GPC4: variants seen among roughly 807,000 people sequenced by gnomAD.
GPC4 encodes the protein glypican 4.
A neutral mutation model predicts 35.0 loss-of-function variants in GPC4; 10 were observed. The observed-to-expected ratio is 0.29, with a 90% CI of 0.18 to 0.48. The LOEUF (loss-of-function observed/expected upper bound fraction) is 0.48. Ranked by LOEUF, GPC4 falls within the 20% of genes least tolerant of loss-of-function variation. The pLI, the probability that GPC4 is intolerant of heterozygous loss-of-function variation, is 0.99. For missense variants in GPC4, 322 were observed against 451.3 expected (o/e 0.71, Z 2.60); for synonymous variants, 167 against 170.2 (o/e 0.98, Z 0.15).
chrX:133,325,993 G>C (rs2068391184), intron 2 of GPC4, among the ~76,000 whole-genome samples: 1 of 107,403 alleles, frequency 9.3e-6, no homozygotes. Context: ...CCTGGTTCCA[G>C]CTTTTCAAAC....
At chrX:133,355,091 C>CGA (rs2068535834) in intron 1 of GPC4, among the ~76,000 whole-genome samples, 1 of 112,045 alleles carries the variant, frequency 8.9e-6, no homozygotes, top group Non-Finnish European at 1.9e-5. Context: ...AGAATGAGTT[C>CGA]TACCAGGCTA....
chrX:133,325,731 A>T (rs2068389571), intron 2 of GPC4, among the ~76,000 whole-genome samples: 1 of 112,307 alleles, frequency 8.9e-6, no homozygotes, highest in South Asian at 3.7e-4. Context: ...AAGCCAGAAC[A>T]TTGGTGAGCT....
intron 1 of GPC4, among the ~76,000 whole-genome samples, chrX:133,345,795 A>C (rs1223521852): frequency 2.7e-5 from 3 of 112,401 alleles, no homozygotes; most frequent in Non-Finnish European, 5.6e-5. Flanking sequence ...AATTCTGTTA[A>C]AATTAATTTG....
At chrX:133,388,791 C>G (rs770523631) in intron 1 of GPC4, among the ~76,000 whole-genome samples, 88 of 109,467 alleles carry the variant, frequency 8.0e-4, no homozygotes, top group African/African-American at 2.5e-3. Flanking sequence ...CATGAGCCAC[C>G]GCGCCCAGCC....
chrX:133,351,758 T>C (rs896544234), intron 1 of GPC4, among the ~76,000 whole-genome samples: 19 of 112,064 alleles, frequency 1.7e-4, no homozygotes, highest in African/African-American at 5.8e-4. Flanking sequence ...CTTCGTGAAC[T>C]AGTTACTTCA....
chrX:133,362,465 T>C (rs1313074686), intron 1 of GPC4, among the ~76,000 whole-genome samples: 1 of 111,998 alleles, frequency 8.9e-6, no homozygotes, highest in East Asian at 2.8e-4. Flanking sequence ...GAGATTGAAC[T>C]TTGATATAAA....
intron 7 of GPC4, 143 bp from the exon 8 acceptor site, chrX:133,303,484 A>AT: frequency 4.3e-6 from 2 of 465,489 alleles, no homozygotes; most frequent in African/African-American, 2.4e-5. Flanking sequence ...AGATTCTAGT[A>AT]TTTCCACTAA....
At chrX:133,402,564 T>TA (rs2068770826) in intron 1 of GPC4, among the ~76,000 whole-genome samples, 1 of 111,870 alleles carries the variant, frequency 8.9e-6, no homozygotes, top group Non-Finnish European at 1.9e-5. Flanking sequence ...GAGCACCTAG[T>TA]AGAAAGGCTG....
At chrX:133,333,325 C>A (rs761061804) in intron 2 of GPC4, among the ~76,000 whole-genome samples, 25 of 112,720 alleles carry the variant, frequency 2.2e-4, no homozygotes, top group African/African-American at 7.7e-4. Flanking sequence ...TGATGTCATG[C>A]CTTCTGAAGA....
At chrX:133,304,137 C>A (rs201103538) in intron 7 of GPC4, among the ~76,000 whole-genome samples, 12 of 96,498 alleles carry the variant, frequency 1.2e-4, no homozygotes, top group African/African-American at 1.1e-4. Context: ...ACTAAAAATA[C>A]AAAAAAAAAA....
At chrX:133,410,118 G>C (rs1315991588) in intron 1 of GPC4, among the ~76,000 whole-genome samples, 1 of 111,835 alleles carries the variant, frequency 8.9e-6, no homozygotes, top group Non-Finnish European at 1.9e-5. Context: ...CAAAAGATGT[G>C]ACTGGATCCT....
chrX:133,322,459 A>G (rs1456225152), intron 3 of GPC4, among the ~76,000 whole-genome samples: 1 of 103,240 alleles, frequency 9.7e-6, no homozygotes, highest in African/African-American at 3.6e-5. Flanking sequence ...AAAAAAAATT[A>G]GTGACACCTG....
intron 6 of GPC4, among the ~76,000 whole-genome samples, chrX:133,305,270 T>C (rs780874259): frequency 8.9e-6 from 1 of 112,273 alleles, no homozygotes; most frequent in East Asian, 2.8e-4. Flanking sequence ...GGCTCCCTCT[T>C]CTGTGTTCCT....
Position 133,343,663 on chromosome X carries a change from T to C in GPC4, c.161-4322A>G, listed in dbSNP as rs142000617. Among the ~76,000 whole-genome samples the C allele has an allele frequency of 2.7e-3, 301 of 111,305 alleles. 1 individual carries two copies. The highest frequency in any genetic ancestry group is 9.1e-3 in the African/African-American group (280 of 30,607). The stretch of plus-strand genomic sequence containing the variant: ...CCTGTCCTAGGAGGCTTGGATGGGA[T>C]TCAATGAAGCGTGCTTTTAAAGCTT... On this transcript the variant is annotated intron_variant, in intron 1 of 8. Transcript: ENST00000370828.
chrX:133,338,806 AGCATCT>A (rs1196976868), intron 2 of GPC4, among the ~76,000 whole-genome samples: 1 of 111,543 alleles, frequency 9.0e-6, no homozygotes, highest in Non-Finnish European at 1.9e-5. Context: ...TTTGAAGTCC[AGCATCT>A]GTAAATTCTC....
intron 2 of GPC4, among the ~76,000 whole-genome samples, chrX:133,327,185 A>G (rs763906877): frequency 1.5e-4 from 17 of 112,283 alleles, no homozygotes; most frequent in Admixed American, 1.5e-3. Flanking sequence ...GGCACATATC[A>G]GCAGAAATTG....
chrX:133,341,024 A>C (rs1418054518), intron 1 of GPC4, among the ~76,000 whole-genome samples: 1 of 112,305 alleles, frequency 8.9e-6, no homozygotes, highest in African/African-American at 3.2e-5. Context: ...TTGTGTAATC[A>C]AGTTTAGAGC....
chrX:133,382,544 C>T (rs376329888), intron 1 of GPC4, among the ~76,000 whole-genome samples: 5 of 106,398 alleles, frequency 4.7e-5, no homozygotes, highest in African/African-American at 1.0e-4. Flanking sequence ...CTGGCTAACA[C>T]GGTGAAACCC....
At chrX:133,408,529 G>A (rs1005846215) in intron 1 of GPC4, among the ~76,000 whole-genome samples, 56 of 111,754 alleles carry the variant, frequency 5.0e-4, no homozygotes, top group Non-Finnish European at 6.8e-4. Flanking sequence ...GAGGTCAGGA[G>A]TTCAAGACCA....
Sources: allele counts gnomAD v4.1 joint callset (sites outside exome capture counted in the v4.1 genomes callset), GRCh38; gene constraint gnomAD v4.1.1; transcripts MANE v1.5; gene names NCBI Gene and HGNC (gene_info 2026-07-23, HGNC 2026-07-21).